The following DDB2 variants were observed in gnomAD, a reference collection of about 807,000 sequenced individuals.
DDB2 encodes DNA damage-binding protein 2.
DDB2 carries 27 observed loss-of-function variants against 50.5 expected under a neutral mutation model. That is an observed-to-expected ratio of 0.53 (90% CI 0.39 to 0.74). The LOEUF is 0.74. Ranked by LOEUF, DDB2 falls within the 30% of genes least tolerant of loss-of-function variation. DDB2 has a pLI of 0.00. For missense variants in DDB2, 424 were observed against 545.6 expected (o/e 0.78, Z 2.22); for synonymous variants, 176 against 205.5 (o/e 0.86, Z 1.23).
Position 47,215,256 on chromosome 11 carries a change from G to A in DDB2, c.120G>A (p.Lys40=). The A allele has an allele frequency of 5.6e-6, 9 of 1,613,988 alleles. No homozygotes were observed. Among genetic ancestry groups the A allele is most frequent in the Non-Finnish European group, 7.6e-6 (9 of 1,180,014 alleles). Residue 40 remains lysine (K), a synonymous_variant, in exon 1 of 10, where the codon AAG becomes AAA. Coordinates refer to ENST00000256996, the MANE Select transcript of DDB2 (RefSeq NM_000107.3). ...LEPEAKKLCA[K]GSGPSRRCDS... Reference sequence around the variant, plus strand: ...CCGAGGCCAAGAAGCTCTGTGCGAAGGGCTCCGGTACTGCCTGTGCCTGCT... The same window carrying A: ...CCGAGGCCAAGAAGCTCTGTGCGAAAGGCTCCGGTACTGCCTGTGCCTGCT...
At chr11:47,232,393 T>G (rs1953661587) in intron 3 of DDB2, among the ~76,000 whole-genome samples, 1 of 151,812 alleles carries the variant, frequency 6.6e-6, no homozygotes, top group Non-Finnish European at 1.5e-5. Context: ...GGCTCATGCC[T>G]GTAATCTTAG....
chr11:47,230,159 G>A (rs1953625815), intron 3 of DDB2, among the ~76,000 whole-genome samples: 1 of 150,498 alleles, frequency 6.6e-6, no homozygotes, highest in Non-Finnish European at 1.5e-5. Flanking sequence ...AAAAATTGGT[G>A]ACACACACCT....
intron 4 of DDB2, among the ~76,000 whole-genome samples, chr11:47,234,013 C>G (rs1259283591): frequency 6.6e-6 from 1 of 152,192 alleles, no homozygotes; most frequent in Non-Finnish European, 1.5e-5. Context: ...GAGCTGAGCT[C>G]TTCTGGCTGA....
intron 3 of DDB2, among the ~76,000 whole-genome samples, chr11:47,227,099 CTTTTTTTTTT>C (rs34243882): frequency 6.2e-5 from 2 of 32,122 alleles, no homozygotes; most frequent in Non-Finnish European, 1.0e-4. Flanking sequence ...GGATATTAAC[CTTTTTTTTTT>C]TTTTTTTTTT....
intron 2 of DDB2, 79 bp downstream of exon 2, chr11:47,216,551 G>C: frequency 1.3e-6 from 2 of 1,590,768 alleles, no homozygotes; most frequent in Non-Finnish European, 1.7e-6. Flanking sequence ...TTAGATGATG[G>C]CTTGGTTCAC....
chr11:47,220,858 A>G lies in DDB2; in HGVS notation c.456+3809A>G, dbSNP rs573742184. ...ATGAAGATAGCTTAATTTTATTCCT[A>G]TTATAAAAACAATGTATGGGGCCAG... On this transcript the variant is annotated intron_variant, in intron 3 of 9. Coordinates refer to ENST00000256996, the MANE Select transcript of DDB2 (RefSeq NM_000107.3). The G allele has an allele frequency of 3.9e-5, 6 of 152,260 alleles. No homozygotes were observed. The South Asian group carries it at 1.0e-3, about 26-fold the overall frequency. 9.4% of individuals were successfully genotyped at this position (152,260 alleles called of 1,614,324 possible).
chr11:47,223,666 C>T (rs979052190), intron 3 of DDB2, among the ~76,000 whole-genome samples: 1 of 152,012 alleles, frequency 6.6e-6, no homozygotes, highest in Non-Finnish European at 1.5e-5. Context: ...CCTGTAGTCC[C>T]AGCTACTTGG....
At chr11:47,219,891 G>T (rs1417589986) in intron 3 of DDB2, among the ~76,000 whole-genome samples, 2 of 152,234 alleles carry the variant, frequency 1.3e-5, no homozygotes, top group South Asian at 4.2e-4. Context: ...AGGTTCACGC[G>T]ATTCTCCTGC....
Position 47,217,030 on chromosome 11 carries a change from A to G in DDB2, c.437A>G (p.Lys146Arg). Residue 146 changes from lysine (K) to arginine (R), a missense_variant, in exon 3 of 10, where the codon AAA (lysine) becomes AGA (arginine). By Grantham distance (26) the Lys-to-Arg change is conservative. Transcript: ENST00000256996. ...CTCTGGAATTTTGGCATCAAGGACA[A>G]ACCCACCTTCATCAAAGGGGTGAGC... ...IMLWNFGIKDKPTFIKGIGAG... is the reference protein window; with the variant it reads ...IMLWNFGIKDRPTFIKGIGAG... 1.9e-6 allele frequency: 3 copies of G among 1,614,088 alleles called. No individual in the cohort carries two copies. Among genetic ancestry groups the G allele is most frequent in the Non-Finnish European group, 2.5e-6 (3 of 1,179,992 alleles).
Position 47,234,848 on chromosome 11 carries a change from A to G in DDB2, c.794A>G (p.Gln265Arg), listed in dbSNP as rs1953701307. 6.2e-7 allele frequency: 1 copy of G among 1,614,200 alleles called. No homozygotes were observed. Among genetic ancestry groups the G allele is most frequent in the Non-Finnish European group, 8.5e-7 (1 of 1,180,014 alleles). The change falls in exon 6 of 10, where the codon CAA (glutamine) becomes CGA (arginine). Residue 265 changes from glutamine to arginine, a missense_variant. By Grantham distance (43) the Gln-to-Arg change is conservative. Transcript: ENST00000256996. The stretch of plus-strand genomic sequence containing the variant: ...TTCCTGGCCACAGCCTCCGTAGATC[A>G]AACAGTGAAAATTTGGGACCTGCGC... ...DWFLATASVDQTVKIWDLRQV... is the reference protein window; with the variant it reads ...DWFLATASVDRTVKIWDLRQV...
At chr11:47,225,980 G>A (rs948423245) in intron 3 of DDB2, among the ~76,000 whole-genome samples, 9 of 152,138 alleles carry the variant, frequency 5.9e-5, no homozygotes, top group South Asian at 2.1e-4. Context: ...CATTGTTTGC[G>A]TGTACCACCT....
chr11:47,215,195 G>A lies in DDB2; in HGVS notation c.59G>A (p.Arg20Lys), dbSNP rs373622283. 1.8e-4 allele frequency: 295 copies of A among 1,613,942 alleles called. 1 individual carries two copies. The highest frequency in any genetic ancestry group is 2.4e-4 in the Non-Finnish European group (282 of 1,180,026). ...QKTSEIVLRPRNKRSRSPLEL... is the reference protein window; with the variant it reads ...QKTSEIVLRPKNKRSRSPLEL... ...ACCTCCGAGATTGTATTACGCCCCA[G>A]GAACAAGAGGAGCAGGAGTCCCCTG... Residue 20 changes from arginine (R) to lysine (K), a missense_variant, in exon 1 of 10, where the codon AGG becomes AAG. By Grantham distance (26) the Arg-to-Lys change is conservative (BLOSUM62 2). Coordinates refer to ENST00000256996, the MANE Select transcript of DDB2 (RefSeq NM_000107.3).
At chr11:47,234,167 C>T (rs1459385276) in intron 4 of DDB2, among the ~76,000 whole-genome samples, 1 of 152,142 alleles carries the variant, frequency 6.6e-6, no homozygotes, top group Non-Finnish European at 1.5e-5. Context: ...GGAACAGGGC[C>T]AGGCAATCCC....
chr11:47,237,522 C>T, intron 7 of DDB2: 1 of 370,886 alleles, frequency 2.7e-6, no homozygotes, highest in South Asian at 2.2e-5. Context: ...CCTCCGCCTC[C>T]CGGGTTCAAG....
At chr11:47,235,533 G>C (rs1025864550) in intron 7 of DDB2, 121 bp downstream of exon 7, 1 of 1,010,818 alleles carries the variant, frequency 9.9e-7, no homozygotes. Flanking sequence ...CTCCTGGCCC[G>C]AGCACAGAGC....
intron 9 of DDB2, 113 bp from the exon 10 acceptor site, chr11:47,238,687 C>A: frequency 2.5e-6 from 3 of 1,186,544 alleles, no homozygotes; most frequent in African/African-American, 1.5e-5. Context: ...CTTGAGCCAC[C>A]GCGCCCGGCC....
intron 3 of DDB2, 47 bp from the exon 4 acceptor site, chr11:47,232,767 C>G: frequency 1.4e-5 from 23 of 1,607,110 alleles, no homozygotes; most frequent in Non-Finnish European, 2.0e-5. Context: ...TGGTTCCTCA[C>G]GGCCAGGCCC....
At chr11:47,230,095 T>C (rs901706626) in intron 3 of DDB2, among the ~76,000 whole-genome samples, 11 of 150,228 alleles carry the variant, frequency 7.3e-5, no homozygotes, top group African/African-American at 2.4e-4. Flanking sequence ...CCCAGGAATT[T>C]GAGACTGGCC....
chr11:47,228,216 C>T (rs528167829), intron 3 of DDB2, among the ~76,000 whole-genome samples: 2 of 150,046 alleles, frequency 1.3e-5, no homozygotes, highest in South Asian at 2.1e-4. Flanking sequence ...TTGTAGTAAG[C>T]TGAGTGCACC....
Sources: allele counts gnomAD v4.1 joint callset (sites outside exome capture counted in the v4.1 genomes callset), GRCh38; gene constraint gnomAD v4.1.1; transcripts MANE v1.5; gene names NCBI Gene and HGNC (gene_info 2026-07-23, HGNC 2026-07-21).